KIF17: variants seen among roughly 807,000 people sequenced by gnomAD.
KIF17 encodes kinesin-like protein KIF17.
In KIF17, 80 loss-of-function variants were observed where a neutral mutation model predicts 96.8. The observed-to-expected ratio is 0.83, with a 90% CI of 0.69 to 1.00. The LOEUF is 1.00. Among genes scored for constraint, KIF17 ranks in the 50% least tolerant of loss-of-function variants. The pLI, the probability that KIF17 is intolerant of heterozygous loss-of-function variation, is 0.00. For synonymous variants in KIF17, 567 were observed against 587.5 expected (o/e 0.97, Z 0.51); for missense variants, 1,280 against 1,372.9 (o/e 0.93, Z 1.07).
intron 7 of KIF17, among the ~76,000 whole-genome samples, chr1:20,689,305 C>G (rs2053995045): frequency 6.6e-6 from 1 of 152,124 alleles, no homozygotes; most frequent in Non-Finnish European, 1.5e-5. Context: ...AGGCAGCATG[C>G]GTGTTTGACT....
rs753813163 is a variant in KIF17 at position 20,709,830 on chromosome 1, T to A, written c.481-2A>T. Reference sequence around the variant, plus strand: ...GCCCTTCTCTGGGTGCTCCTTCAGCTGAGGGAGGAGGAACAGTCAGGGGCG... The same window carrying A: ...GCCCTTCTCTGGGTGCTCCTTCAGCAGAGGGAGGAGGAACAGTCAGGGGCG... On this transcript the variant is annotated splice_acceptor_variant, in intron 3 of 14. Coordinates refer to ENST00000400463, the MANE Select transcript of KIF17 (RefSeq NM_001122819.3). LOFTEE classifies it high-confidence loss of function. This position sits in a 1 kb window ranked among gnomAD's most constrained non-coding sequence, Gnocchi z 4.7. 2.5e-6 allele frequency: 4 copies of A among 1,604,356 alleles called. No homozygotes were observed. The highest frequency in any genetic ancestry group is 3.4e-6 in the Non-Finnish European group (4 of 1,175,408).
rs201655062 is a variant in KIF17 at position 20,704,436 on chromosome 1, C to T, written c.1123+11G>A. On this transcript the variant is annotated intron_variant, in intron 5 of 14. Transcript: ENST00000400463. The surrounding 1 kb of genome is among the most constrained non-coding windows in gnomAD (Gnocchi z 6.8). Reference sequence around the variant, plus strand: ...CCTGGCCCTCCCGCCACTACCCCAACGTGGTCCCACCTGACAGGCTGCTGG... The same window carrying T: ...CCTGGCCCTCCCGCCACTACCCCAATGTGGTCCCACCTGACAGGCTGCTGG... 34 of 1,611,498 alleles carry T rather than the reference C, an allele frequency of 2.1e-5. No individual in the cohort carries two copies. The highest frequency in any genetic ancestry group is 1.7e-4 in the Admixed American group (10 of 59,774).
chr1:20,696,803 A>T (rs1286306626), intron 6 of KIF17, among the ~76,000 whole-genome samples: 1 of 152,202 alleles, frequency 6.6e-6, no homozygotes, highest in South Asian at 2.1e-4. Context: ...GAACAACAGC[A>T]GGCTGACTTC....
chr1:20,706,309 G>C (rs924670792), intron 4 of KIF17, among the ~76,000 whole-genome samples: 6 of 151,962 alleles, frequency 3.9e-5, no homozygotes, highest in Admixed American at 6.6e-5. Flanking sequence ...AAAAACAACA[G>C]GCTGGGTGCG....
In KIF17 at chr1:20,671,983, A is replaced by G; in HGVS notation, c.2677T>C (p.Trp893Arg). The change falls in exon 12 of 15, where the codon TGG (tryptophan) becomes CGG (arginine). Residue 893 changes from tryptophan to arginine, a missense_variant. Trp to Arg is a moderately radical substitution (Grantham distance 101). Transcript: ENST00000400463. ...GTGATGACGGGATGTGGGATCTTCC[A>G]GAAGCCGTTATCTTCGTCCCAGCAG... ...ESCWDEDNGF[W>R]KIPHPVITKT... 6.2e-7 allele frequency: 1 copy of G among 1,614,072 alleles called. No homozygotes were observed. Among genetic ancestry groups the G allele is most frequent in the Non-Finnish European group, 8.5e-7 (1 of 1,180,046 alleles).
At chr1:20,679,639 G>T (rs1368213287) in intron 11 of KIF17, among the ~76,000 whole-genome samples, 3 of 152,158 alleles carry the variant, frequency 2.0e-5, no homozygotes, top group African/African-American at 7.2e-5. Context: ...GTCTTTGCAG[G>T]GATCCAGGAG....
chr1:20,680,087 C>T (rs2053804728), intron 11 of KIF17, among the ~76,000 whole-genome samples: 3 of 152,120 alleles, frequency 2.0e-5, no homozygotes, highest in South Asian at 4.1e-4. Flanking sequence ...CAGGCTCAAG[C>T]GATTCGCCCA....
At chr1:20,695,710 G>A (rs534393839) in intron 6 of KIF17, among the ~76,000 whole-genome samples, 9 of 151,892 alleles carry the variant, frequency 5.9e-5, no homozygotes, top group Non-Finnish European at 1.0e-4. Flanking sequence ...CTGAACCCAC[G>A]CCACCCAGCT....
In KIF17 at chr1:20,664,591, G is replaced by A; in HGVS notation, c.3080C>T (p.Pro1027Leu). 1 of 1,614,112 alleles carries A rather than the reference G, an allele frequency of 6.2e-7. No individual in the cohort carries two copies. Among genetic ancestry groups the A allele is most frequent in the South Asian group, 1.1e-5 (1 of 91,078 alleles). Residue 1027 changes from proline (P) to leucine (L), a missense_variant, in exon 15 of 15, where the codon CCT (proline) becomes CTT (leucine). Coordinates refer to ENST00000400463, the MANE Select transcript of KIF17 (RefSeq NM_001122819.3). The stretch of plus-strand genomic sequence containing the variant: ...AATGGCAAGCAGCTGTGCTCACAGA[G>A]GCTCACTGCCAAAGTTGCTTTTGCT... ...KKSKSNFGSE[P>L]L
intron 1 of KIF17, among the ~76,000 whole-genome samples, chr1:20,716,317 G>A (rs1019664593): frequency 2.0e-5 from 3 of 152,018 alleles, no homozygotes; most frequent in African/African-American, 7.3e-5. Context: ...GGTGCATACA[G>A]GGCTTCTTTC....
intron 3 of KIF17, among the ~76,000 whole-genome samples, chr1:20,711,590 T>C (rs1012823626): frequency 2.6e-5 from 4 of 151,996 alleles, no homozygotes; most frequent in Admixed American, 6.6e-5. Flanking sequence ...TGCCTGGACA[T>C]GGGTGGGAAG....
rs1386080280 is a variant in KIF17 at position 20,712,944 on chromosome 1, C to T, written c.480+510G>A. 5.1e-4 allele frequency among the ~76,000 whole-genome samples: 58 copies of T among 113,414 alleles called. 1 individual carries two copies. The highest frequency in any genetic ancestry group is 2.0e-3 in the African/African-American group (55 of 27,866). 74.4% of individuals were successfully genotyped at this position (113,414 alleles called of 152,430 possible). On this transcript the variant is annotated intron_variant, in intron 3 of 14. Coordinates refer to ENST00000400463, the MANE Select transcript of KIF17 (RefSeq NM_001122819.3). ...ATATCTATATTATCTATAATATTAT[C>T]TATATTATCTATATTATATATATAT...
intron 4 of KIF17, among the ~76,000 whole-genome samples, chr1:20,706,569 C>T (rs1186757616): frequency 6.7e-6 from 1 of 148,580 alleles, no homozygotes; most frequent in Non-Finnish European, 1.5e-5. Flanking sequence ...TCAGCCTGGG[C>T]GACAGAGCAA....
chr1:20,709,905 G>A lies in KIF17; in HGVS notation c.481-77C>T. On this transcript the variant is annotated intron_variant, in intron 3 of 14. Coordinates refer to ENST00000400463, the MANE Select transcript of KIF17 (RefSeq NM_001122819.3). This position sits in a 1 kb window ranked among gnomAD's most constrained non-coding sequence, Gnocchi z 4.7. The stretch of plus-strand genomic sequence containing the variant: ...GACCAGGGATGGTCAAGGAACCAGA[G>A]AGAAGGGCCCCATCCAGACCGCCCT... 1.4e-6 allele frequency: 2 copies of A among 1,412,324 alleles called. No individual in the cohort carries two copies. Among genetic ancestry groups the A allele is most frequent in the East Asian group, 2.5e-5 (1 of 40,204 alleles). The allele number at this position is 1,412,324 out of a possible 1,614,324, so 87.5% of individuals were successfully genotyped here.
In KIF17 at chr1:20,685,023, G is replaced by C. The variant is rs1399412839; in HGVS notation, c.2020-3C>G. 6.3e-7 allele frequency: 1 copy of C among 1,582,474 alleles called. No homozygotes were observed. The highest frequency in any genetic ancestry group is 2.3e-5 in the East Asian group (1 of 43,166). On this transcript the variant is annotated splice_region_variant and splice_polypyrimidine_tract_variant and intron_variant, in intron 9 of 14. Transcript: ENST00000400463. This position sits in a 1 kb window ranked among gnomAD's most constrained non-coding sequence, Gnocchi z 4.1. ...ACTTCCGAGGCCAGATCTACCTCCT[G>C]AGTGTGAAGAGAAACCCAGGTGGAG...
rs530371347 is a variant in KIF17 at position 20,711,027 on chromosome 1, GGAGCCGCGT to G, written c.481-1208_481-1200del. Among the ~76,000 whole-genome samples the G allele has an allele frequency of 8.8e-3, 1,345 of 152,254 alleles. 9 individuals carry two copies. The highest frequency in any genetic ancestry group is 0.017 in the Middle Eastern group (5 of 294). ...GCTGTGAGGAGGGAGCCCAGAGGAC[GGAGCCGCGT>G]GTGGCCTGAGGGCACCTTGTTCTGT... On this transcript the variant is annotated intron_variant, in intron 3 of 14. Transcript: ENST00000400463.
At chr1:20,674,716 C>A (rs2053706757) in intron 11 of KIF17, among the ~76,000 whole-genome samples, 1 of 152,002 alleles carries the variant, frequency 6.6e-6, no homozygotes, top group Non-Finnish European at 1.5e-5. Flanking sequence ...GGTTTGGATC[C>A]ATTTTGAGTT....
At chr1:20,662,778 T>C (rs2053458979), downstream of KIF17, among the ~76,000 whole-genome samples, 1 of 152,184 alleles carries the variant, frequency 6.6e-6, no homozygotes, top group African/African-American at 2.4e-5. Context: ...TTTAACACCC[T>C]GAGTTCCACA....
rs536766616 is a variant in KIF17, at chr1:20,704,027, G to A, written c.1123+420C>T. On this transcript the variant is annotated intron_variant, in intron 5 of 14. Transcript: ENST00000400463. The surrounding 1 kb of genome is among the most constrained non-coding windows in gnomAD (Gnocchi z 6.8). ...CCAGGTGACAGGCAAATGCCAGGGC[G>A]CAAAAGCTGCAGTAACAAGGTGCCT... 1.6e-4 allele frequency among the ~76,000 whole-genome samples: 25 copies of A among 152,298 alleles called. No individual in the cohort carries two copies. In the East Asian group the frequency reaches 2.7e-3, roughly 16 times the overall value.
Sources: allele counts gnomAD v4.1 joint callset (sites outside exome capture counted in the v4.1 genomes callset), GRCh38; gene constraint gnomAD v4.1.1; non-coding constraint Gnocchi (gnomAD v3.1); transcripts MANE v1.5; gene names NCBI Gene and HGNC (gene_info 2026-07-23, HGNC 2026-07-21).